Variants in DNAH11 observed in about 807,000 individuals in gnomAD.
DNAH11 encodes dynein axonemal heavy chain 11, also known as axonemal beta dynein heavy chain 11.
Under a neutral mutation model 526.0 loss-of-function variants are expected in DNAH11, and 442 were observed. That is an observed-to-expected ratio of 0.84 (90% CI 0.78 to 0.91). DNAH11 has a LOEUF of 0.91. Among genes scored for constraint, DNAH11 ranks in the 40% least tolerant of loss-of-function variants. DNAH11 has a pLI of 0.00. For synonymous variants in DNAH11, 2,461 were observed against 1,935.9 expected, an observed-to-expected ratio of 1.27 and a Z score of -7.12; for missense variants, 6,989 against 5,448.7, an observed-to-expected ratio of 1.28 and a Z score of -8.90.
chr7:21,636,798 A>AT (rs1786885095), intron 26 of DNAH11, among the ~76,000 whole-genome samples: 1 of 152,208 alleles, frequency 6.6e-6, no homozygotes, highest in Non-Finnish European at 1.5e-5. Context: ...ACATCAGGCC[A>AT]TATTTGTCCC....
Position 21,696,498 on chromosome 7 carries a change from C to T in DNAH11, c.6042-1577C>T, listed in dbSNP as rs56733585. Among the ~76,000 whole-genome samples the T allele has an allele frequency of 8.5e-3, 1,294 of 152,228 alleles. 108 individuals carry two copies. The East Asian group carries it at 0.2, about 23-fold the overall frequency. On this transcript the variant is annotated intron_variant, in intron 35 of 81. Coordinates refer to ENST00000409508, the MANE Select transcript of DNAH11 (RefSeq NM_001277115.2). The stretch of plus-strand genomic sequence containing the variant: ...AAATTCTAGATAGAGAATAACCATT[C>T]TAGAAATCAATGTAATAACTACAGA...
chr7:21,601,967 CT>C (rs537539612), intron 18 of DNAH11, among the ~76,000 whole-genome samples: 45 of 148,350 alleles, frequency 3.0e-4, no homozygotes, highest in Non-Finnish European at 3.7e-4. Flanking sequence ...TATATCCATA[CT>C]TTTTTTTTTC....
intron 6 of DNAH11, among the ~76,000 whole-genome samples, 153 bp downstream of exon 6, chr7:21,564,550 C>G (rs1783588088): frequency 6.6e-6 from 1 of 152,100 alleles, no homozygotes; most frequent in South Asian, 2.1e-4. Context: ...GCCAGGTAAC[C>G]TTTTAATCCT....
Position 21,545,022 on chromosome 7 carries a change from A to G in DNAH11, c.368A>G (p.Asn123Ser). Residue 123 changes from asparagine to serine, a missense_variant, in exon 2 of 82, where the codon AAC (asparagine) becomes AGC (serine). Transcript: ENST00000409508. ...TTGTTTTAGATTCCAAGAGATGCAA[A>G]CCATAAACTTGTTTTTATTTCCAAG... Reference protein sequence around the residue: ...AASQEIPRDANHKLVFISKKI... With the variant: ...AASQEIPRDASHKLVFISKKI... 1.3e-6 allele frequency: 2 copies of G among 1,588,464 alleles called. No homozygotes were observed. The highest frequency in any genetic ancestry group is 1.7e-6 in the Non-Finnish European group (2 of 1,167,448).
chr7:21,591,479 C>T lies in DNAH11; in HGVS notation c.2569C>T (p.Arg857Ter), dbSNP rs72655998. Residue 857 changes from arginine (R) to a stop codon, truncating the protein, a stop_gained, in exon 14 of 82, where the codon CGA becomes TGA. Coordinates refer to ENST00000409508, the MANE Select transcript of DNAH11 (RefSeq NM_001277115.2). LOFTEE classifies it high-confidence loss of function. ...GCTACCTCCCAGGAGAGAGCACAGA[C>T]GAGAGGCAGCCTTCACCTTGGAGGA... ...CVLPPRREHR[R>*]EAAFTLEDKG... 26 of 1,613,064 alleles carry T rather than the reference C, an allele frequency of 1.6e-5. No homozygotes were observed. The highest frequency in any genetic ancestry group is 1.6e-4 in the Middle Eastern group (1 of 6,082).
At chr7:21,738,996 T>A in intron 47 of DNAH11, 130 bp downstream of exon 47, 1 of 901,330 alleles carries the variant, frequency 1.1e-6, no homozygotes, top group Non-Finnish European at 1.6e-6. Context: ...CAAGTGCAAT[T>A]ATCCCCAGTT....
intron 65 of DNAH11, among the ~76,000 whole-genome samples, chr7:21,824,251 A>G (rs1157764034): frequency 6.6e-6 from 1 of 152,150 alleles, no homozygotes; most frequent in East Asian, 1.9e-4. Context: ...AGCATAATAA[A>G]TTAGACATGT....
intron 25 of DNAH11, among the ~76,000 whole-genome samples, chr7:21,630,359 T>G (rs1786549163): frequency 6.6e-6 from 1 of 152,228 alleles, no homozygotes; most frequent in African/African-American, 2.4e-5. Flanking sequence ...CACACCATAG[T>G]TACAGTACTA....
rs1157375192 is a variant in DNAH11, at chr7:21,543,494, C to G, written c.249C>G (p.Ser83Arg). 3.1e-6 allele frequency: 5 copies of G among 1,605,664 alleles called. No individual in the cohort carries two copies. In the African/African-American group the frequency reaches 4.0e-5, roughly 13 times the overall value. Residue 83 changes from serine (S) to arginine (R), a missense_variant, in exon 1 of 82, where the codon AGC becomes AGG. Transcript: ENST00000409508. ...AGAAATGGAGCCAGTATTTGGAAAG[C>G]GAGGACAACCGGCAGGTTCTTGGGG... The part of the protein sequence containing the change: ...TEEKWSQYLE[S>R]EDNRQVLGEF...
At chr7:21,624,102 A>G (rs2128455875) in intron 25 of DNAH11, among the ~76,000 whole-genome samples, 1 of 152,208 alleles carries the variant, frequency 6.6e-6, no homozygotes, top group Non-Finnish European at 1.5e-5. Context: ...ATTGTTGATT[A>G]AGTTGCAACA....
chr7:21,749,039 A>G (rs937966436), intron 52 of DNAH11, among the ~76,000 whole-genome samples: 1 of 152,136 alleles, frequency 6.6e-6, no homozygotes, highest in African/African-American at 2.4e-5. Flanking sequence ...CTATTAATCA[A>G]ACCTGATGCG....
At position 21,880,874 on chromosome 7, in the gene DNAH11, A is replaced by G. The variant is rs770644672; in HGVS notation, c.12368A>G (p.Tyr4123Cys). ...LTICASVLYN[Y>C]LEANSKVPWE... ...ATTTGTGCCAGTGTCCTCTACAACTACTTAGAGGCAAACTCTAAAGTAAGT... is the reference window on the plus strand; with the variant it reads ...ATTTGTGCCAGTGTCCTCTACAACTGCTTAGAGGCAAACTCTAAAGTAAGT... The change falls in exon 75 of 82, where the codon TAC (tyrosine) becomes TGC (cysteine). Residue 4123 changes from tyrosine (Y) to cysteine (C), a missense_variant. Tyr to Cys is a radical substitution (Grantham distance 194). Transcript: ENST00000409508. 1 of 1,604,930 alleles carries G rather than the reference A, an allele frequency of 6.2e-7. No homozygotes were observed. The highest frequency in any genetic ancestry group is 8.5e-7 in the Non-Finnish European group (1 of 1,177,776).
chr7:21,653,676 G>T (rs1289029252), intron 28 of DNAH11, among the ~76,000 whole-genome samples: 3 of 152,178 alleles, frequency 2.0e-5, no homozygotes, highest in Admixed American at 1.3e-4. Flanking sequence ...TCTGGGTAAT[G>T]TACAGGGATG....
At chr7:21,552,670 T>C (rs1783066485) in intron 2 of DNAH11, among the ~76,000 whole-genome samples, 1 of 152,190 alleles carries the variant, frequency 6.6e-6, no homozygotes, top group Non-Finnish European at 1.5e-5. Flanking sequence ...TTTGACGAAA[T>C]ACATTTGGGG....
chr7:21,619,053 G>A (rs753033814), intron 23 of DNAH11, 47 bp from the exon 24 acceptor site: 30 of 1,609,552 alleles, frequency 1.9e-5, no homozygotes, highest in Middle Eastern at 3.3e-4. Flanking sequence ...AAAAGGAACC[G>A]TTCATATATG....
At chr7:21,627,947 T>C (rs556108084) in intron 25 of DNAH11, among the ~76,000 whole-genome samples, 9 of 152,312 alleles carry the variant, frequency 5.9e-5, no homozygotes, top group Non-Finnish European at 1.0e-4. Context: ...TTCAGTTTTT[T>C]TCATTAGTGT....
At chr7:21,873,157 A>C (rs1783564913) in intron 73 of DNAH11, 117 bp from the exon 74 acceptor site, 1 of 952,574 alleles carries the variant, frequency 1.0e-6, no homozygotes, top group Non-Finnish European at 1.6e-6. Context: ...TGATAAAGGA[A>C]AATTTGAATC....
At chr7:21,900,650 T>TTCTGGTGTAAAAG (rs1470055749) in intron 81 of DNAH11, among the ~76,000 whole-genome samples, 2 of 152,148 alleles carry the variant, frequency 1.3e-5, no homozygotes, top group Admixed American at 1.3e-4. Context: ...GTGCCACAAG[T>TTCTGGTGTAAAAG]TCTGGTGTAA....
chr7:21,635,438 G>A (rs1786815914), intron 25 of DNAH11, among the ~76,000 whole-genome samples: 1 of 152,138 alleles, frequency 6.6e-6, no homozygotes, highest in Non-Finnish European at 1.5e-5. Flanking sequence ...TTACAGGCGT[G>A]AGCCACCGTG....
Sources: allele counts gnomAD v4.1 joint callset (sites outside exome capture counted in the v4.1 genomes callset), GRCh38; gene constraint gnomAD v4.1.1; transcripts MANE v1.5; gene names NCBI Gene and HGNC (gene_info 2026-07-23, HGNC 2026-07-21).